KIAA0825: variants seen among roughly 807,000 people sequenced by gnomAD.
The protein encoded by KIAA0825 is uncharacterized protein KIAA0825.
KIAA0825 carries 119 observed loss-of-function variants against 147.6 expected under a neutral mutation model. That is an observed-to-expected ratio of 0.81 (90% CI 0.69 to 0.94). The LOEUF is 0.94. KIAA0825 is among the 40% of genes least tolerant of loss of function. KIAA0825 has a pLI of 0.00. For missense variants in KIAA0825, 1,381 were observed against 1,472.7 expected (o/e 0.94, Z 1.02); for synonymous variants, 470 against 518.1 (o/e 0.91, Z 1.26).
At chr5:94,443,146 T>C (rs1757297622) in intron 13 of KIAA0825, among the ~76,000 whole-genome samples, 1 of 152,122 alleles carries the variant, frequency 6.6e-6, no homozygotes, top group Non-Finnish European at 1.5e-5. Context: ...TTTTGAAATG[T>C]ACAGTAGAAT....
At chr5:94,592,955 T>A (rs1198980535) in intron 1 of KIAA0825, 1 of 567,974 alleles carries the variant, frequency 1.8e-6, no homozygotes, top group Non-Finnish European at 3.3e-6. Flanking sequence ...AAAATCATAC[T>A]TTCAGAAAAA....
intron 1 of KIAA0825, chr5:94,615,484 G>A (rs779727954): frequency 3.9e-5 from 6 of 152,208 alleles, no homozygotes; most frequent in South Asian, 4.2e-4. Flanking sequence ...CGTAACCTAC[G>A]ACAATTTACA....
At chr5:94,505,954 T>G (rs1562568823) in intron 5 of KIAA0825, among the ~76,000 whole-genome samples, 1 of 152,218 alleles carries the variant, frequency 6.6e-6, no homozygotes, top group Non-Finnish European at 1.5e-5. Context: ...TCCTTGGGTT[T>G]GAAAAATACG....
At chr5:94,551,305 A>G (rs1449608123) in intron 2 of KIAA0825, among the ~76,000 whole-genome samples, 1 of 152,114 alleles carries the variant, frequency 6.6e-6, no homozygotes, top group African/African-American at 2.4e-5. Flanking sequence ...TTAATAAAAT[A>G]ATAACTGAAA....
rs115163667 is a variant in KIAA0825, at chr5:94,564,972, T to C, written c.-2+17461A>G. The stretch of plus-strand genomic sequence containing the variant: ...CTTTTCTTTTCTTTTCTTTTCTTTT[T>C]CTTCTCTTCTCTTCTCTTCTCCTCT... On this transcript the variant is annotated intron_variant, in intron 2 of 20. Coordinates refer to ENST00000682413, the MANE Select transcript of KIAA0825 (RefSeq NM_001145678.3). 2.3e-3 allele frequency among the ~76,000 whole-genome samples: 237 copies of C among 103,236 alleles called. 1 individual carries two copies. Among genetic ancestry groups the C allele is most frequent in the East Asian group, 0.013 (52 of 4,034 alleles). The allele number at this position is 103,236 out of a possible 152,430, so 67.7% of individuals were successfully genotyped here.
rs575238861 is a variant in KIAA0825, at chr5:94,557,864, G to A, written c.-1-20737C>T. On this transcript the variant is annotated intron_variant, in intron 2 of 20. Transcript: ENST00000682413. ...CTGCACTCTTTTCTGGTCCCTGTTTGTTATGGCTCGAGCGGTGCTTTTGCT... is the reference window on the plus strand; with the variant it reads ...CTGCACTCTTTTCTGGTCCCTGTTTATTATGGCTCGAGCGGTGCTTTTGCT... Among the ~76,000 whole-genome samples, 3 of 152,238 alleles carry A rather than the reference G, an allele frequency of 2.0e-5. No individual in the cohort carries two copies. In the South Asian group the frequency reaches 6.2e-4, roughly 32 times the overall value.
chr5:94,164,827 C>A (rs763864088), intron 20 of KIAA0825, among the ~76,000 whole-genome samples: 13 of 151,994 alleles, frequency 8.6e-5, no homozygotes, highest in Non-Finnish European at 1.3e-4. Context: ...TGAAACTAGA[C>A]CCCCATCTCT....
chr5:94,169,469 C>T (rs1258815922), intron 20 of KIAA0825, among the ~76,000 whole-genome samples: 1 of 150,540 alleles, frequency 6.6e-6, no homozygotes, highest in Non-Finnish European at 1.5e-5. Flanking sequence ...GTAATCCCAG[C>T]ATTTTGGGAG....
At chr5:94,252,684 A>AT (rs1456668035) in intron 20 of KIAA0825, among the ~76,000 whole-genome samples, 1 of 152,064 alleles carries the variant, frequency 6.6e-6, no homozygotes, top group Non-Finnish European at 1.5e-5. Flanking sequence ...AATAGGAACC[A>AT]TTTACAGGGA....
intron 20 of KIAA0825, among the ~76,000 whole-genome samples, chr5:94,222,817 T>G (rs886946278): frequency 3.3e-5 from 5 of 152,182 alleles, no homozygotes; most frequent in African/African-American, 1.2e-4. Context: ...TTGGTAAAAA[T>G]CATATATATT....
intron 20 of KIAA0825, among the ~76,000 whole-genome samples, chr5:94,169,998 A>G (rs1014113003): frequency 6.6e-6 from 1 of 152,196 alleles, no homozygotes; most frequent in African/African-American, 2.4e-5. Context: ...CCATAAGGGT[A>G]CATCTCCCAC....
At chr5:94,168,551 A>G (rs1304842722) in intron 20 of KIAA0825, among the ~76,000 whole-genome samples, 1 of 152,226 alleles carries the variant, frequency 6.6e-6, no homozygotes, top group Non-Finnish European at 1.5e-5. Flanking sequence ...AAACGGAAGC[A>G]CAGCCATCAG....
intron 19 of KIAA0825, among the ~76,000 whole-genome samples, chr5:94,385,642 A>G (rs1219593721): frequency 2.0e-5 from 3 of 152,208 alleles, no homozygotes; most frequent in Non-Finnish European, 4.4e-5. Context: ...TAACTACTGA[A>G]ACATGCGGCT....
intron 14 of KIAA0825, among the ~76,000 whole-genome samples, chr5:94,422,035 G>T (rs1754247556): frequency 6.6e-6 from 1 of 152,104 alleles, no homozygotes; most frequent in African/African-American, 2.4e-5. Flanking sequence ...TTCCTTTCAA[G>T]ATGACTCAGC....
chr5:94,397,885 A>T (rs1750880417), intron 16 of KIAA0825, among the ~76,000 whole-genome samples: 1 of 151,946 alleles, frequency 6.6e-6, no homozygotes, highest in African/African-American at 2.4e-5. Context: ...CTGTGTCCTC[A>T]TCACCATCAA....
intron 2 of KIAA0825, among the ~76,000 whole-genome samples, chr5:94,552,382 A>C (rs1254288349): frequency 6.6e-6 from 1 of 152,166 alleles, no homozygotes; most frequent in Non-Finnish European, 1.5e-5. Flanking sequence ...TCAACAAAGA[A>C]ACATTGGATT....
chr5:94,369,080 C>T (rs1329175830), intron 20 of KIAA0825, among the ~76,000 whole-genome samples: 1 of 152,014 alleles, frequency 6.6e-6, no homozygotes, highest in Non-Finnish European at 1.5e-5. Context: ...ATCACTTGGT[C>T]CTGGGGCATT....
chr5:94,535,493 CAAAAAAAAAAA>C (rs11362220), intron 3 of KIAA0825, among the ~76,000 whole-genome samples: 5 of 32,150 alleles, frequency 1.6e-4, no homozygotes, highest in Non-Finnish European at 3.4e-4. Flanking sequence ...CTGGGTGACT[CAAAAAAAAAAA>C]AAAAAAAAAA....
At chr5:94,201,887 A>G (rs1771735778) in intron 20 of KIAA0825, among the ~76,000 whole-genome samples, 1 of 152,172 alleles carries the variant, frequency 6.6e-6, no homozygotes, top group South Asian at 2.1e-4. Context: ...CAGTGGATAG[A>G]TAATTACTAA....
Sources: allele counts gnomAD v4.1 joint callset (sites outside exome capture counted in the v4.1 genomes callset), GRCh38; gene constraint gnomAD v4.1.1; transcripts MANE v1.5; gene names NCBI Gene and HGNC (gene_info 2026-07-23, HGNC 2026-07-21).